The following TBC1D5 variants were observed in gnomAD, a reference collection of about 807,000 sequenced individuals.
TBC1D5 encodes the protein TBC1 domain family member 5.
TBC1D5 carries 75 observed loss-of-function variants against 100.3 expected under a neutral mutation model. The ratio of observed to expected loss-of-function variants is 0.75; its 90% CI spans 0.62 to 0.91. TBC1D5 has a LOEUF of 0.91. Among genes scored for constraint, TBC1D5 ranks in the 40% least tolerant of loss-of-function variants. The pLI, the probability that TBC1D5 is intolerant of heterozygous loss-of-function variation, is 0.00. For synonymous variants in TBC1D5, 323 were observed against 325.6 expected, an observed-to-expected ratio of 0.99 and a Z score of 0.09; for missense variants, 910 against 942.4, an observed-to-expected ratio of 0.97 and a Z score of 0.45.
At chr3:17,395,939 T>C (rs1289745008) in intron 8 of TBC1D5, among the ~76,000 whole-genome samples, 1 of 152,142 alleles carries the variant, frequency 6.6e-6, no homozygotes, top group African/African-American at 2.4e-5. Flanking sequence ...AATATACATA[T>C]GCAATAGTAA....
At chr3:17,496,679 G>T (rs960364595) in intron 3 of TBC1D5, among the ~76,000 whole-genome samples, 1 of 152,056 alleles carries the variant, frequency 6.6e-6, no homozygotes, top group African/African-American at 2.4e-5. Context: ...AAACCAACTG[G>T]TGTGGACTGC....
intron 1 of TBC1D5, among the ~76,000 whole-genome samples, chr3:17,672,139 TA>T (rs2068012654): frequency 6.6e-6 from 1 of 152,222 alleles, no homozygotes; most frequent in Non-Finnish European, 1.5e-5. Flanking sequence ...AAGTGTGTAA[TA>T]GATGTTTAAA....
intron 1 of TBC1D5, among the ~76,000 whole-genome samples, chr3:17,678,005 G>A (rs914223097): frequency 6.6e-6 from 1 of 152,130 alleles, no homozygotes; most frequent in African/African-American, 2.4e-5. Context: ...TGTGGGGTAG[G>A]GGGAGGGATA....
intron 3 of TBC1D5, among the ~76,000 whole-genome samples, chr3:17,436,157 A>G (rs1050048774): frequency 2.6e-5 from 4 of 152,246 alleles, no homozygotes; most frequent in African/African-American, 9.6e-5. Flanking sequence ...AACTAGAGGC[A>G]TTAAAGTATC....
intron 2 of TBC1D5, among the ~76,000 whole-genome samples, chr3:17,595,711 AC>A: frequency 6.6e-6 from 1 of 152,090 alleles, no homozygotes; most frequent in African/African-American, 2.4e-5. Context: ...TAAAAGTCAT[AC>A]TTCCAATTTA....
chr3:17,300,530 A>G (rs2082714736), intron 14 of TBC1D5, among the ~76,000 whole-genome samples: 2 of 152,238 alleles, frequency 1.3e-5, no homozygotes, highest in South Asian at 2.1e-4. Flanking sequence ...AAATGAAATC[A>G]AAAGGAGTAA....
intron 18 of TBC1D5, among the ~76,000 whole-genome samples, chr3:17,188,351 C>G (rs1435072869): frequency 6.6e-6 from 1 of 152,110 alleles, no homozygotes; most frequent in Non-Finnish European, 1.5e-5. Context: ...ACCTAAAACC[C>G]AAGTAGATCT....
intron 17 of TBC1D5, among the ~76,000 whole-genome samples, chr3:17,234,747 A>G (rs1366325176): frequency 6.6e-6 from 1 of 152,190 alleles, no homozygotes; most frequent in East Asian, 1.9e-4. Context: ...GAGCTTTTAT[A>G]TAATATATAC....
chr3:17,161,032 G>A (rs777156743), exon 22 of TBC1D5: 5 of 1,614,234 alleles, frequency 3.1e-6, no homozygotes, highest in Non-Finnish European at 4.2e-6. Context: ...GACTGGAGCT[G>A]GGGTTGCTGG....
intron 3 of TBC1D5, among the ~76,000 whole-genome samples, chr3:17,500,542 C>T (rs1353694995): frequency 1.3e-5 from 2 of 149,512 alleles, no homozygotes; most frequent in Admixed American, 6.6e-5. Flanking sequence ...TTGAAAATGA[C>T]TTAACCCCTA....
rs545190127 is a variant in TBC1D5, at chr3:17,254,248, T to C, written c.1331+4258A>G. 5.9e-5 allele frequency among the ~76,000 whole-genome samples: 9 copies of C among 152,374 alleles called. No individual in the cohort carries two copies. In the South Asian group the frequency reaches 1.9e-3, roughly 32 times the overall value. ...GATAAACACTTAGAAATTAAACTGCTATATTACAGGATATATGTTTAACTT... is the reference window on the plus strand; with the variant it reads ...GATAAACACTTAGAAATTAAACTGCCATATTACAGGATATATGTTTAACTT... On this transcript the variant is annotated intron_variant, in intron 16 of 21. Transcript: ENST00000253692.
intron 16 of TBC1D5, among the ~76,000 whole-genome samples, chr3:17,257,567 A>G (rs984494434): frequency 1.3e-5 from 2 of 152,236 alleles, no homozygotes; most frequent in Non-Finnish European, 2.9e-5. Flanking sequence ...ACAGATTTCA[A>G]TCAGAGATGG....
chr3:17,604,171 G>C (rs1323953778), intron 2 of TBC1D5, among the ~76,000 whole-genome samples: 1 of 152,050 alleles, frequency 6.6e-6, no homozygotes, highest in Non-Finnish European at 1.5e-5. Context: ...TGTTGCCCAG[G>C]CTAGTCTCAA....
intron 15 of TBC1D5, 59 bp from the exon 16 acceptor site, chr3:17,258,650 G>A (rs1575000766): frequency 7.4e-7 from 1 of 1,342,400 alleles, no homozygotes; most frequent in Non-Finnish European, 1.1e-6. Context: ...TAACATATAA[G>A]AGGACAGCAA....
chr3:17,693,354 C>G (rs1195551483), intron 1 of TBC1D5, among the ~76,000 whole-genome samples: 1 of 152,170 alleles, frequency 6.6e-6, no homozygotes, highest in East Asian at 1.9e-4. Flanking sequence ...CAGACTGTAC[C>G]TGGAAAAACG....
rs2060628 is a variant in TBC1D5, at chr3:17,233,681, G to C, written c.1588+4482C>G. Reference sequence around the variant, plus strand: ...GAAACACTATGTTGTTATGGTAACTGTACCTTGGAGGTCAGTTAGAGTCTG... The same window carrying C: ...GAAACACTATGTTGTTATGGTAACTCTACCTTGGAGGTCAGTTAGAGTCTG... On this transcript the variant is annotated intron_variant, in intron 17 of 21. Transcript: ENST00000253692. The C allele has an allele frequency of 0.42, 621,716 of 1,495,772 alleles. 135,853 individuals carry two copies. Among genetic ancestry groups the C allele is most frequent in the Non-Finnish European group, 0.45 (494,280 of 1,103,256 alleles). 92.7% of individuals were successfully genotyped at this position (1,495,772 alleles called of 1,614,324 possible).
chr3:17,575,807 A>G (rs893898453), intron 2 of TBC1D5, among the ~76,000 whole-genome samples: 5 of 152,160 alleles, frequency 3.3e-5, no homozygotes, highest in African/African-American at 1.2e-4. Context: ...AAAATAATGC[A>G]AATTCTCTAA....
chr3:17,735,319 A>G (rs1252842374), intron 1 of TBC1D5, among the ~76,000 whole-genome samples: 2 of 152,242 alleles, frequency 1.3e-5, no homozygotes, highest in Non-Finnish European at 2.9e-5. Flanking sequence ...TGGGGCCACT[A>G]AAAGTTACGT....
exon 22 of TBC1D5, chr3:17,157,605 G>A (rs968098373): frequency 3.9e-5 from 6 of 152,396 alleles, no homozygotes; most frequent in African/African-American, 1.4e-4. Context: ...AGGAAAGGAG[G>A]GATGGAATTG....
Sources: allele counts gnomAD v4.1 joint callset (sites outside exome capture counted in the v4.1 genomes callset), GRCh38; gene constraint gnomAD v4.1.1; transcripts MANE v1.5; gene names NCBI Gene and HGNC (gene_info 2026-07-23, HGNC 2026-07-21).